The following BMP6 variants were observed in gnomAD, a reference collection of about 807,000 sequenced individuals.
The protein encoded by BMP6 is VG-1-R.
In BMP6, 17 loss-of-function variants were observed where a neutral mutation model predicts 54.1. The observed-to-expected ratio is 0.31, with a 90% confidence interval of 0.22 to 0.47. The LOEUF (loss-of-function observed/expected upper bound fraction) is 0.47. BMP6 is among the 20% of genes least tolerant of loss of function. BMP6 has a pLI of 1.00. For missense variants in BMP6, 720 were observed against 690.4 expected (o/e 1.04, Z -0.48); for synonymous variants, 328 against 291.2 (o/e 1.13, Z -1.28).
chr6:7,797,719 TGGCTTGGTTCATCTCTTAG>T, intron 1 of BMP6, among the ~76,000 whole-genome samples: 1 of 152,296 alleles, frequency 6.6e-6, no homozygotes, highest in East Asian at 1.9e-4. Context: ...TGCCAGGAGA[TGGCTTGGTTCATCTCTTAG>T]ACCTTGACTT....
chr6:7,805,222 G>T (rs1405673369), intron 1 of BMP6, among the ~76,000 whole-genome samples: 1 of 152,160 alleles, frequency 6.6e-6, no homozygotes, highest in African/African-American at 2.4e-5. Flanking sequence ...AGCTCTGTTG[G>T]TTGCTCATCT....
intron 2 of BMP6, among the ~76,000 whole-genome samples, chr6:7,857,179 A>C (rs954084337): frequency 2.0e-5 from 3 of 152,236 alleles, no homozygotes; most frequent in Non-Finnish European, 2.9e-5. Flanking sequence ...GCCCACAAAC[A>C]CCAATTCTAC....
intron 1 of BMP6, among the ~76,000 whole-genome samples, chr6:7,811,443 G>T (rs1758434610): frequency 6.6e-6 from 1 of 152,168 alleles, no homozygotes; most frequent in Non-Finnish European, 1.5e-5. Flanking sequence ...CGCTGGCATG[G>T]TAGTTGCTAT....
At chr6:7,766,647 A>G (rs1405200964) in intron 1 of BMP6, among the ~76,000 whole-genome samples, 1 of 152,160 alleles carries the variant, frequency 6.6e-6, no homozygotes, top group Non-Finnish European at 1.5e-5. Context: ...AATAAAAAGA[A>G]AACACTAATT....
chr6:7,801,208 C>T (rs1045536292), intron 1 of BMP6, among the ~76,000 whole-genome samples: 1 of 152,134 alleles, frequency 6.6e-6, no homozygotes, highest in Non-Finnish European at 1.5e-5. Flanking sequence ...TAACTTGAAC[C>T]GAATCCTCTT....
At chr6:7,780,505 C>T (rs1054603302) in intron 1 of BMP6, among the ~76,000 whole-genome samples, 8 of 151,254 alleles carry the variant, frequency 5.3e-5, no homozygotes, top group Middle Eastern at 3.2e-3. Context: ...GCCGAGATCG[C>T]GCCATTGCAC....
intron 1 of BMP6, among the ~76,000 whole-genome samples, chr6:7,792,764 C>T (rs1305526228): frequency 6.6e-6 from 1 of 152,112 alleles, no homozygotes; most frequent in Non-Finnish European, 1.5e-5. Flanking sequence ...TTCAATGGGC[C>T]CTACAACCAA....
At chr6:7,822,896 G>GC (rs1758634152) in intron 1 of BMP6, among the ~76,000 whole-genome samples, 1 of 85,662 alleles carries the variant, frequency 1.2e-5, no homozygotes, top group Non-Finnish European at 2.3e-5. Context: ...ATTGGTGCTG[G>GC]TTGTGTGTGT....
intron 2 of BMP6, among the ~76,000 whole-genome samples, chr6:7,859,046 A>T (rs1759293558): frequency 6.6e-6 from 1 of 152,036 alleles, no homozygotes; most frequent in African/African-American, 2.4e-5. Context: ...ACATCCACGA[A>T]TCTGCACTGA....
At chr6:7,736,235 T>G (rs1204552761) in intron 1 of BMP6, among the ~76,000 whole-genome samples, 6 of 152,214 alleles carry the variant, frequency 3.9e-5, no homozygotes, top group Admixed American at 3.9e-4. Flanking sequence ...GGCAGAGATA[T>G]GAGTGATTAA....
intron 1 of BMP6, among the ~76,000 whole-genome samples, chr6:7,778,294 T>C (rs1757891741): frequency 6.6e-6 from 1 of 152,218 alleles, no homozygotes; most frequent in African/African-American, 2.4e-5. Flanking sequence ...AGCTCACATG[T>C]ATTGAGGGTA....
In BMP6 at chr6:7,880,558, A is replaced by T. The variant is rs757390790; in HGVS notation, c.*215A>T. 3.2e-6 allele frequency: 2 copies of T among 618,014 alleles called. No homozygotes were observed. The highest frequency in any genetic ancestry group is 5.6e-6 in the Non-Finnish European group (2 of 360,064). The allele number at this position is 618,014 out of a possible 1,614,324, so 38.3% of individuals were successfully genotyped here. On this transcript the variant is annotated 3_prime_UTR_variant, in exon 7 of 7. Coordinates refer to ENST00000283147, the MANE Select transcript of BMP6 (RefSeq NM_001718.6). ...GTAGTTGTTGGTCTGTAGCAAGCTGAGTTTGGATGTCTGTAGCATAAGGTC... is the reference window on the plus strand; with the variant it reads ...GTAGTTGTTGGTCTGTAGCAAGCTGTGTTTGGATGTCTGTAGCATAAGGTC...
intron 1 of BMP6, among the ~76,000 whole-genome samples, chr6:7,828,342 G>A (rs945598083): frequency 1.3e-5 from 2 of 152,328 alleles, no homozygotes; most frequent in South Asian, 4.1e-4. Context: ...TTAAAGGAAA[G>A]GAATGGCCCT....
At chr6:7,730,681 A>G (rs1029338574) in intron 1 of BMP6, among the ~76,000 whole-genome samples, 7 of 152,224 alleles carry the variant, frequency 4.6e-5, no homozygotes, top group Admixed American at 4.6e-4. Context: ...TAGGAAGGAC[A>G]GTTCATTTGA....
Position 7,776,797 on chromosome 6 carries a change from G to A in BMP6, c.664+49178G>A, listed in dbSNP as rs1757866106. 2.0e-5 allele frequency among the ~76,000 whole-genome samples: 3 copies of A among 152,172 alleles called. No individual in the cohort carries two copies. In the South Asian group the frequency reaches 6.2e-4, roughly 32 times the overall value. On this transcript the variant is annotated intron_variant, in intron 1 of 6. Transcript: ENST00000283147. ...CCCCAACCAGCTGGGATCACAGGCA[G>A]ATAGTATTTTAACATTTTTATTGAT...
chr6:7,815,295 C>T (rs1189381293), intron 1 of BMP6, among the ~76,000 whole-genome samples: 3 of 152,202 alleles, frequency 2.0e-5, no homozygotes, highest in Admixed American at 6.5e-5. Flanking sequence ...CCGCAACTGC[C>T]TCTATGTGTG....
intron 1 of BMP6, among the ~76,000 whole-genome samples, chr6:7,836,089 CG>C (rs1374993471): frequency 6.6e-6 from 1 of 152,088 alleles, no homozygotes. Flanking sequence ...GATCTGCCCA[CG>C]GCCTCCCAAA....
intron 2 of BMP6, among the ~76,000 whole-genome samples, chr6:7,852,228 G>A (rs984003096): frequency 6.6e-6 from 1 of 152,140 alleles, no homozygotes; most frequent in South Asian, 2.1e-4. Flanking sequence ...ATGTATTAAG[G>A]CTTATCTGTT....
intron 1 of BMP6, among the ~76,000 whole-genome samples, chr6:7,768,169 G>A (rs927113320): frequency 1.3e-5 from 2 of 152,134 alleles, no homozygotes; most frequent in Admixed American, 1.3e-4. Flanking sequence ...TAAGAAGAAC[G>A]GAGTGCTCTG....
Sources: allele counts gnomAD v4.1 joint callset (sites outside exome capture counted in the v4.1 genomes callset), GRCh38; gene constraint gnomAD v4.1.1; transcripts MANE v1.5; gene names NCBI Gene and HGNC (gene_info 2026-07-23, HGNC 2026-07-21).